TMC4: variants seen among roughly 807,000 people sequenced by gnomAD.
TMC4 encodes the protein transmembrane channel like 4, also known as voltage-gated chloride channel TMC4.
Under a neutral mutation model 82.0 loss-of-function variants are expected in TMC4, and 70 were observed. That is an observed-to-expected ratio of 0.85 (90% CI 0.70 to 1.04). The LOEUF is 1.04. TMC4 is among the 50% of genes least tolerant of loss of function. TMC4 has a pLI of 0.00. For missense variants in TMC4, 879 were observed against 899.0 expected, an observed-to-expected ratio of 0.98 and a Z score of 0.28; for synonymous variants, 446 against 406.0, an observed-to-expected ratio of 1.10 and a Z score of -1.18.
chr19:54,162,532 G>T, intron 10 of TMC4, 141 bp downstream of exon 10: 1 of 759,462 alleles, frequency 1.3e-6, no homozygotes, highest in Non-Finnish European at 2.2e-6. Flanking sequence ...GCGGGGAGCG[G>T]GGAGATCTGC....
rs1352061009 is a variant in TMC4 at position 54,163,723 on chromosome 19, C to A, written c.1277+1G>T. On this transcript the variant is annotated splice_donor_variant, in intron 8 of 14. Coordinates refer to ENST00000619895, the MANE Select transcript of TMC4 (RefSeq NM_144686.4). LOFTEE classifies it high-confidence loss of function. ...CCCAGCCATCCCCGTGAGGCTGGAACCTGAGCAGGATAAAAACGATCTGGC... is the reference window on the plus strand; with the variant it reads ...CCCAGCCATCCCCGTGAGGCTGGAAACTGAGCAGGATAAAAACGATCTGGC... 1 of 1,614,052 alleles carries A rather than the reference C, an allele frequency of 6.2e-7. No homozygotes were observed. Among genetic ancestry groups the A allele is most frequent in the African/African-American group, 1.3e-5 (1 of 74,990 alleles).
At chr19:54,167,355 C>T (rs971042931) in intron 5 of TMC4, among the ~76,000 whole-genome samples, 4 of 151,608 alleles carry the variant, frequency 2.6e-5, no homozygotes, top group Non-Finnish European at 4.4e-5. Flanking sequence ...ATCAGGAGTT[C>T]GAGACCAGCC....
At position 54,164,610 on chromosome 19, in the gene TMC4, A is replaced by G. The variant is rs1600564252; in HGVS notation, c.946-9T>C. On this transcript the variant is annotated splice_polypyrimidine_tract_variant and intron_variant, in intron 6 of 14. Transcript: ENST00000619895. ...GTCTCCTCCAGCTCCACCTGAAGGC[A>G]GGAGAGATGCCCGCTTGGACTCCAT... The G allele has an allele frequency of 2.5e-6, 4 of 1,612,396 alleles. No individual in the cohort carries two copies. The highest frequency in any genetic ancestry group is 3.4e-6 in the Non-Finnish European group (4 of 1,179,906).
In TMC4 at chr19:54,163,759, G is replaced by C. The variant is rs779642228; in HGVS notation, c.1242C>G (p.Tyr414Ter). 5.0e-6 allele frequency: 8 copies of C among 1,614,046 alleles called. No homozygotes were observed. In the Admixed American group the frequency reaches 8.3e-5, roughly 17 times the overall value. The change falls in exon 8 of 15, where the codon TAC becomes TAG. Residue 414 changes from tyrosine (Y) to a stop codon, truncating the protein, a stop_gained. Coordinates refer to ENST00000619895, the MANE Select transcript of TMC4 (RefSeq NM_144686.4). LOFTEE classifies it high-confidence loss of function. Reference sequence around the variant, plus strand: ...TAAAAACGATCTGGCGACTCCGAGTGTAGCCCTCCAGTGGAGCAATGAGCT... The same window carrying C: ...TAAAAACGATCTGGCGACTCCGAGTCTAGCCCTCCAGTGGAGCAATGAGCT... ...VFKLIAPLEG[Y>*]TRSRQIVFIL...
Position 54,160,230 on chromosome 19 carries a change from TCTC to T in TMC4, c.*73_*75del, listed in dbSNP as rs2075502964. The T allele has an allele frequency of 1.4e-6, 2 of 1,432,836 alleles. No homozygotes were observed. Among genetic ancestry groups the T allele is most frequent in the Admixed American group, 2.4e-5 (1 of 42,040 alleles). 88.8% of individuals were successfully genotyped at this position (1,432,836 alleles called of 1,614,324 possible). On this transcript the variant is annotated 3_prime_UTR_variant, in exon 15 of 15. Transcript: ENST00000619895. Reference sequence around the variant, plus strand: ...GGAAGGGCGTGGAGTCTTCTCCAGTTCTCCTAGTTTACAGATGTTGTGACCTAG... The same window carrying T: ...GGAAGGGCGTGGAGTCTTCTCCAGTTCTAGTTTACAGATGTTGTGACCTAG...
intron 8 of TMC4, 179 bp from the exon 9 acceptor site, chr19:54,163,338 T>TGAGACC: frequency 1.2e-6 from 1 of 807,338 alleles, no homozygotes; most frequent in Non-Finnish European, 1.8e-6. Flanking sequence ...TGAGACAGGG[T>TGAGACC]CTCACTCTGT....
chr19:54,161,829 A>G (rs1336157378), intron 11 of TMC4, among the ~76,000 whole-genome samples: 3 of 152,194 alleles, frequency 2.0e-5, no homozygotes, highest in African/African-American at 7.2e-5. Context: ...GGCGTGAGCC[A>G]CTGCACCCGG....
chr19:54,165,457 C>A lies in TMC4; in HGVS notation c.907G>T (p.Val303Leu). 1 of 1,611,070 alleles carries A rather than the reference C, an allele frequency of 6.2e-7. No individual in the cohort carries two copies. ...AAGATGATGCGCTGGCGCAGCCGCA[C>A]GTGGACGTCCCCGCAGAGACCGAAG... ...WDFGLCGDVH[V>L]RLRQRIILYE... is the part of the protein sequence containing the mutation. The change falls in exon 6 of 15, where the codon GTG (valine) becomes TTG (leucine). Residue 303 changes from valine to leucine, a missense_variant. Coordinates refer to ENST00000619895, the MANE Select transcript of TMC4 (RefSeq NM_144686.4).
chr19:54,160,991 C>T lies in TMC4; in HGVS notation c.1860G>A (p.Ser620=), dbSNP rs2075532545. The change falls in exon 13 of 15, where the codon TCG becomes TCA. Residue 620 remains serine (S), a synonymous_variant. Coordinates refer to ENST00000619895, the MANE Select transcript of TMC4 (RefSeq NM_144686.4). ...SKLCGPFRGQ[S]SIWAQIPESI... is the part of the protein sequence containing the mutation. ...ACTCAGGGATCTGGGCCCAGATGGA[C>T]GACTGCCCCCGGAATGGACCACACA... 2 of 1,614,116 alleles carry T rather than the reference C, an allele frequency of 1.2e-6. No individual in the cohort carries two copies. Among genetic ancestry groups the T allele is most frequent in the Non-Finnish European group, 1.7e-6 (2 of 1,180,024 alleles).
rs1369622732 is a variant in TMC4 at position 54,173,073 on chromosome 19, AGAG to A, written c.42_44del (p.Ser15del). The A allele has an allele frequency of 2.5e-6, 4 of 1,612,946 alleles. No individual in the cohort carries two copies. Among genetic ancestry groups the A allele is most frequent in the Non-Finnish European group, 8.5e-7 (1 of 1,179,734 alleles). ...CCTCCCGGGGGGCCAGCCACTCCCT[AGAG>A]GAGCCCCAGGCTTCTGATTCCAAGG... On this transcript the variant is annotated inframe_deletion, in exon 1 of 15. Transcript: ENST00000619895.
Position 54,168,650 on chromosome 19 carries a change from A to T in TMC4, c.473T>A (p.Phe158Tyr), listed in dbSNP as rs1448014556. The T allele has an allele frequency of 6.4e-7, 1 of 1,574,000 alleles. No individual in the cohort carries two copies. The change falls in exon 4 of 15, where the codon TTC becomes TAC. Residue 158 changes from phenylalanine (F) to tyrosine (Y), a missense_variant. Physicochemically the swap from Phe to Tyr is conservative, Grantham distance 22 (BLOSUM62 3). Coordinates refer to ENST00000619895, the MANE Select transcript of TMC4 (RefSeq NM_144686.4). ...GQFGAGTESY[F>Y]SLLRFLLLLN... ...AAGGAGCAGGAAGCGCAGCAGGGAG[A>T]AGTAGGACTCCGTGCCGGCGCCAAA... is the stretch of plus-strand genomic sequence containing the variant.
At chr19:54,162,973 C>T in intron 9 of TMC4, 60 bp downstream of exon 9, 1 of 1,613,114 alleles carries the variant, frequency 6.2e-7, no homozygotes, top group South Asian at 1.1e-5. Context: ...TCTGGACCCA[C>T]CCAGCTCCAT....
rs746086062 is a variant in TMC4 at position 54,160,523 on chromosome 19, C to T, written c.1996G>A (p.Ala666Thr). Reference protein sequence around the residue: ...ISSILMAYTVALANSYGRLIS... With the variant: ...ISSILMAYTVTLANSYGRLIS... The stretch of plus-strand genomic sequence containing the variant: ...AGGCGTCCGTAGGAGTTAGCCAGAG[C>T]CACAGTGTACGCCATCAGGATGCTG... The change falls in exon 14 of 15, where the codon GCT (alanine) becomes ACT (threonine). Residue 666 changes from alanine (A) to threonine (T), a missense_variant. Coordinates refer to ENST00000619895, the MANE Select transcript of TMC4 (RefSeq NM_144686.4). 5 of 1,613,998 alleles carry T rather than the reference C, an allele frequency of 3.1e-6. No individual in the cohort carries two copies. The highest frequency in any genetic ancestry group is 4.2e-6 in the Non-Finnish European group (5 of 1,180,006).
intron 5 of TMC4, among the ~76,000 whole-genome samples, chr19:54,167,375 T>TG (rs1353894470): frequency 1.3e-5 from 2 of 151,784 alleles, no homozygotes; most frequent in Admixed American, 1.3e-4. Flanking sequence ...CTGGCCAACA[T>TG]GGCGATACCC....
rs543313390 is a variant in TMC4, at chr19:54,171,172, G to A, written c.293+698C>T. Among the ~76,000 whole-genome samples, 8 of 73,928 alleles carry A rather than the reference G, an allele frequency of 1.1e-4. No homozygotes were observed. In the South Asian group the frequency reaches 2.7e-3, roughly 25 times the overall value. The allele number at this position is 73,928 out of a possible 152,430, so 48.5% of individuals were successfully genotyped here. A position where few individuals can be genotyped will look rare whatever the true frequency, so the allele number is the denominator to read the frequency against. ...CACCCAGGCCGGAGTCCAATGGCAC[G>A]ATCTTGGCTCACTGCAACCTCTATC... On this transcript the variant is annotated intron_variant, in intron 2 of 14. Coordinates refer to ENST00000619895, the MANE Select transcript of TMC4 (RefSeq NM_144686.4).
rs1353348304 is a variant in TMC4 at position 54,160,481 on chromosome 19, G to C, written c.2038C>G (p.Arg680Gly). ...GCCTGGCTCACCGTCTCTCTCTGAC[G>C]TTTGAGCTCAGAGATGAGGCGTCCG... ...SYGRLISELK[R>G]QRETEAQNKV... The change falls in exon 14 of 15, where the codon CGT becomes GGT. Residue 680 changes from arginine to glycine, a missense_variant. Coordinates refer to ENST00000619895, the MANE Select transcript of TMC4 (RefSeq NM_144686.4). 1.2e-6 allele frequency: 2 copies of C among 1,614,002 alleles called. No homozygotes were observed. The highest frequency in any genetic ancestry group is 1.7e-6 in the Non-Finnish European group (2 of 1,179,988).
intron 6 of TMC4, among the ~76,000 whole-genome samples, chr19:54,164,973 G>A (rs535921037): frequency 1.2e-4 from 18 of 151,968 alleles, no homozygotes; most frequent in Admixed American, 5.9e-4. Context: ...CAGTTCAGCT[G>A]TATCAAGACG....
At chr19:54,168,892 TTTC>T (rs2075795580) in intron 3 of TMC4, among the ~76,000 whole-genome samples, 4 of 29,434 alleles carry the variant, frequency 1.4e-4, no homozygotes, top group Admixed American at 4.9e-4. Flanking sequence ...CTTTTCTTTC[TTTC>T]CTTTCTTTCT....
chr19:54,168,664 G>A lies in TMC4; in HGVS notation c.459C>T (p.Gly153=). The change falls in exon 4 of 15, where the codon GGC becomes GGT. Residue 153 remains glycine (G), a synonymous_variant. Coordinates refer to ENST00000619895, the MANE Select transcript of TMC4 (RefSeq NM_144686.4). ...LKRIGGQFGA[G]TESYFSLLRF... ...GCAGCAGGGAGAAGTAGGACTCCGT[G>A]CCGGCGCCAAACTGGCCTGCAGGGG... 1 of 1,550,104 alleles carries A rather than the reference G, an allele frequency of 6.5e-7. No individual in the cohort carries two copies. Among genetic ancestry groups the A allele is most frequent in the Non-Finnish European group, 8.7e-7 (1 of 1,146,880 alleles).
Sources: gnomAD v4.1 joint callset for allele counts (sites outside exome capture counted in the v4.1 genomes callset) on GRCh38, gnomAD v4.1.1 for gene constraint, MANE v1.5 for transcripts, NCBI Gene and HGNC (gene_info 2026-07-23, HGNC 2026-07-21) for gene names.